Variants in HAPSTR1 observed in about 807,000 individuals in gnomAD.
HAPSTR1 encodes HUWE1 associated protein modifying stress responses.
At chr16:9,113,747 C>T in the HAPSTR1 span, among the ~76,000 whole-genome samples, 1 of 152,148 alleles carries the variant, frequency 6.6e-6, no homozygotes, top group South Asian at 2.1e-4. Context: ...TAATATGTTA[C>T]AGGCTGAGAC....
chr16:9,115,102 G>C, the HAPSTR1 span, among the ~76,000 whole-genome samples: 5 of 152,148 alleles, frequency 3.3e-5, no homozygotes, highest in South Asian at 4.1e-4. Context: ...CAGAAGGGAG[G>C]TGTGGCCCTC....
chr16:9,116,498 A>G, the HAPSTR1 span, among the ~76,000 whole-genome samples: 1 of 152,172 alleles, frequency 6.6e-6, no homozygotes, highest in Non-Finnish European at 1.5e-5. Context: ...ATATATGTCA[A>G]GGCCAGATGA....
the HAPSTR1 span, chr16:9,105,082 G>A: frequency 6.6e-5 from 10 of 152,242 alleles, no homozygotes; most frequent in South Asian, 1.9e-3. Context: ...CTCTGCCCTC[G>A]AAAAACTGTA....
chr16:9,097,762 C>G, the HAPSTR1 span, among the ~76,000 whole-genome samples: 1 of 152,174 alleles, frequency 6.6e-6, no homozygotes. Context: ...TGGCTTGTGG[C>G]TCACATCTTA....
chr16:9,119,071 A>C, the HAPSTR1 span: 2 of 152,612 alleles, frequency 1.3e-5, no homozygotes, highest in African/African-American at 4.8e-5. Flanking sequence ...ACTTTTAGAA[A>C]ACTTTAGCAT....
At chr16:9,095,820 C>T in the HAPSTR1 span, among the ~76,000 whole-genome samples, 1 of 152,144 alleles carries the variant, frequency 6.6e-6, no homozygotes, top group South Asian at 2.1e-4. Flanking sequence ...GTTACCTCTA[C>T]TGTAAATAGT....
At chr16:9,093,555 A>T in the HAPSTR1 span, among the ~76,000 whole-genome samples, 45 of 152,164 alleles carry the variant, frequency 3.0e-4, no homozygotes, top group Non-Finnish European at 6.2e-4. Flanking sequence ...TGCTAATCGG[A>T]GTCATCTGCG....
the HAPSTR1 span, among the ~76,000 whole-genome samples, chr16:9,093,961 G>A: frequency 6.6e-6 from 1 of 151,788 alleles, no homozygotes; most frequent in Non-Finnish European, 1.5e-5. Flanking sequence ...GGAACTTTGT[G>A]CATTTCAAAA....
At chr16:9,102,795 A>G in the HAPSTR1 span, among the ~76,000 whole-genome samples, 7 of 152,092 alleles carry the variant, frequency 4.6e-5, no homozygotes, top group African/African-American at 1.7e-4. Flanking sequence ...CTGAATTTAG[A>G]CCATTAAGAT....
chr16:9,092,976 C>T, the HAPSTR1 span: 2 of 1,611,790 alleles, frequency 1.2e-6, no homozygotes, highest in Admixed American at 3.3e-5. Context: ...AAAACGCAGC[C>T]ACCGCCGTCA....
the HAPSTR1 span, chr16:9,121,213 CCA>C: frequency 6.6e-6 from 1 of 152,324 alleles, no homozygotes; most frequent in Non-Finnish European, 1.5e-5. Flanking sequence ...CTTGGCCTCC[CCA>C]AGTGCTGGGA....
chr16:9,092,844 CTTG>C, the HAPSTR1 span: 1 of 1,395,004 alleles, frequency 7.2e-7, no homozygotes, highest in East Asian at 2.5e-5. Context: ...AAATAACATT[CTTG>C]TTCTCTTTCT....
chr16:9,099,008 A>G, the HAPSTR1 span, among the ~76,000 whole-genome samples: 1 of 152,122 alleles, frequency 6.6e-6, no homozygotes, highest in Non-Finnish European at 1.5e-5. Flanking sequence ...TATGTAAGAA[A>G]GTTATGATTT....
At chr16:9,093,581 T>C in the HAPSTR1 span, among the ~76,000 whole-genome samples, 1 of 152,234 alleles carries the variant, frequency 6.6e-6, no homozygotes, top group African/African-American at 2.4e-5. Flanking sequence ...GTTAACGTGC[T>C]GCTCTTCTCT....
the HAPSTR1 span, chr16:9,093,144 T>C: frequency 1.6e-5 from 13 of 816,854 alleles, no homozygotes; most frequent in Non-Finnish European, 2.3e-5. Context: ...GCGGCGGTGC[T>C]CTAGCTAGAT....
chr16:9,117,006 C>T, the HAPSTR1 span: 1 of 1,529,978 alleles, frequency 6.5e-7, no homozygotes, highest in Non-Finnish European at 8.9e-7. Flanking sequence ...GCCATCTTCC[C>T]TTGTTCACTG....
At chr16:9,092,396 G>A in the HAPSTR1 span, 1 of 856,018 alleles carries the variant, frequency 1.2e-6, no homozygotes, top group Non-Finnish European at 1.5e-6. Flanking sequence ...CCCGGCCGGT[G>A]GCTCCGCGGC....
At chr16:9,092,274 A>G in the HAPSTR1 span, 1 of 1,530,610 alleles carries the variant, frequency 6.5e-7, no homozygotes, top group Non-Finnish European at 8.8e-7. Context: ...TACAAAGGTG[A>G]GGCCGCCGCC....
the HAPSTR1 span, among the ~76,000 whole-genome samples, chr16:9,094,487 A>T: frequency 9.5e-5 from 14 of 147,170 alleles, no homozygotes; most frequent in African/African-American, 3.5e-4. Flanking sequence ...ATATACTTTG[A>T]TTTTTTTTTT....
Sources: gnomAD v4.1 joint callset for allele counts (sites outside exome capture counted in the v4.1 genomes callset) on GRCh38, gnomAD v4.1.1 for gene constraint, MANE v1.5 for transcripts, NCBI Gene and HGNC (gene_info 2026-07-23, HGNC 2026-07-21) for gene names.